Variants in SLC25A13 observed in about 807,000 individuals in gnomAD.
The protein encoded by SLC25A13 is electrogenic aspartate/glutamate antiporter SLC25A13, mitochondrial.
SLC25A13 carries 70 observed loss-of-function variants against 85.5 expected under a neutral mutation model. The observed-to-expected ratio is 0.82, with a 90% CI of 0.68 to 1.00. SLC25A13 has a LOEUF of 1.00. Among genes scored for constraint, SLC25A13 ranks in the 50% least tolerant of loss-of-function variants. The probability of loss-of-function intolerance (pLI) is 0.00; values close to 1 mark genes in which losing one functional copy is unlikely to be tolerated. For missense variants in SLC25A13, 765 were observed against 819.8 expected (o/e 0.93, Z 0.82); for synonymous variants, 259 against 288.7 (o/e 0.90, Z 1.04).
Position 96,322,063 on chromosome 7 carries a change from C to T in SLC25A13, c.-107G>A, listed in dbSNP as rs886062531. 2.1e-6 allele frequency: 3 copies of T among 1,438,360 alleles called. No individual in the cohort carries two copies. Among genetic ancestry groups the T allele is most frequent in the East Asian group, 2.7e-5 (1 of 37,116 alleles). The allele number at this position is 1,438,360 out of a possible 1,614,324, so 89.1% of individuals were successfully genotyped here. The stretch of plus-strand genomic sequence containing the variant: ...CCGGCGGCGGCGGCGGTGGGGGCGG[C>T]GATACGGCCAGGCAGCGTGCGTTCC... On this transcript the variant is annotated 5_prime_UTR_variant, in exon 1 of 18. Transcript: ENST00000265631.
chr7:96,201,370 G>A (rs1795248550), intron 5 of SLC25A13, among the ~76,000 whole-genome samples: 1 of 151,936 alleles, frequency 6.6e-6, no homozygotes, highest in Non-Finnish European at 1.5e-5. Context: ...AATTAGCTGG[G>A]CATGGGGTTG....
chr7:96,213,664 T>G (rs1795784306), intron 4 of SLC25A13, among the ~76,000 whole-genome samples: 1 of 152,182 alleles, frequency 6.6e-6, no homozygotes, highest in Non-Finnish European at 1.5e-5. Context: ...GAATAACTCG[T>G]AACTCAGTCG....
At chr7:96,294,270 G>C (rs1799252374) in intron 2 of SLC25A13, among the ~76,000 whole-genome samples, 1 of 151,564 alleles carries the variant, frequency 6.6e-6, no homozygotes, top group South Asian at 2.1e-4. Flanking sequence ...TCACACACTG[G>C]GGCCTGTTGT....
intron 13 of SLC25A13, among the ~76,000 whole-genome samples, chr7:96,158,389 T>C (rs1332576077): frequency 6.6e-6 from 1 of 152,218 alleles, no homozygotes; most frequent in African/African-American, 2.4e-5. Flanking sequence ...TATTTTTTAA[T>C]ATAGCGCAAT....
At chr7:96,276,538 G>C (rs1798456579) in intron 3 of SLC25A13, among the ~76,000 whole-genome samples, 1 of 152,104 alleles carries the variant, frequency 6.6e-6, no homozygotes, top group Non-Finnish European at 1.5e-5. Flanking sequence ...TGAGAGGATA[G>C]CTTGTACCTG....
chr7:96,229,605 A>G (rs895092213), intron 4 of SLC25A13, among the ~76,000 whole-genome samples: 1 of 152,052 alleles, frequency 6.6e-6, no homozygotes, highest in African/African-American at 2.4e-5. Flanking sequence ...AACACTCACC[A>G]TGAAGGTCTG....
chr7:96,271,191 T>C (rs1798225664), intron 3 of SLC25A13, among the ~76,000 whole-genome samples: 1 of 152,200 alleles, frequency 6.6e-6, no homozygotes, highest in Non-Finnish European at 1.5e-5. Context: ...GAATTCAAAA[T>C]ACAGCTTCTA....
chr7:96,134,814 A>ATATATATATATATATATATAT lies in SLC25A13; in HGVS notation c.1453-2934_1453-2933insATATATATATATATATATATA, dbSNP rs1554337570. Among the ~76,000 whole-genome samples, 43 of 64,424 alleles carry ATATATATATATATATATATAT rather than the reference A, an allele frequency of 6.7e-4. 3 individuals are homozygous for ATATATATATATATATATATAT. The highest frequency in any genetic ancestry group is 3.3e-3 in the African/African-American group (42 of 12,836). 42.3% of individuals were successfully genotyped at this position (64,424 alleles called of 152,430 possible). A position where few individuals can be genotyped will look rare whatever the true frequency, so the allele number is the denominator to read the frequency against. ...AATTTTATATATATATATATATATA[A>ATATATATATATATATATATAT]CCCTGAGGAAAGGGTAGAATTGCAA... On this transcript the variant is annotated intron_variant, in intron 14 of 17. Coordinates refer to ENST00000265631, the MANE Select transcript of SLC25A13 (RefSeq NM_014251.3).
At chr7:96,185,569 C>T (rs570609142) in intron 9 of SLC25A13, among the ~76,000 whole-genome samples, 2 of 151,520 alleles carry the variant, frequency 1.3e-5, no homozygotes, top group East Asian at 3.9e-4. Flanking sequence ...GCACTTCAGC[C>T]TCGGCAACAG....
At chr7:96,163,863 A>C (rs2116550947) in intron 13 of SLC25A13, among the ~76,000 whole-genome samples, 1 of 152,286 alleles carries the variant, frequency 6.6e-6, no homozygotes, top group South Asian at 2.1e-4. Flanking sequence ...CCAAAAAGCC[A>C]AACTAAAACA....
intron 3 of SLC25A13, among the ~76,000 whole-genome samples, chr7:96,252,521 A>T (rs1797472164): frequency 6.6e-6 from 1 of 152,200 alleles, no homozygotes; most frequent in Non-Finnish European, 1.5e-5. Context: ...GGCTGAAGAC[A>T]TAAAAGTAGA....
rs751240780 is a variant in SLC25A13 at position 96,277,344 on chromosome 7, TA to T, written c.70-7del. ...TTTTTCTCAATGCTTGCATACTGTT[TA>T]AAAAAAAGAAAAACAGTATTTTATA... On this transcript the variant is annotated splice_polypyrimidine_tract_variant and splice_region_variant and intron_variant, in intron 2 of 17. Coordinates refer to ENST00000265631, the MANE Select transcript of SLC25A13 (RefSeq NM_014251.3). 3 of 1,607,636 alleles carry T rather than the reference TA, an allele frequency of 1.9e-6. No homozygotes were observed. The highest frequency in any genetic ancestry group is 2.2e-5 in the East Asian group (1 of 44,642).
chr7:96,218,444 A>G (rs1795980506), intron 4 of SLC25A13, among the ~76,000 whole-genome samples: 1 of 152,150 alleles, frequency 6.6e-6, no homozygotes, highest in Admixed American at 6.5e-5. Flanking sequence ...GGTTAGACTG[A>G]ATTTGTTTTT....
intron 3 of SLC25A13, among the ~76,000 whole-genome samples, chr7:96,274,926 T>A (rs1798387747): frequency 6.6e-6 from 1 of 152,214 alleles, no homozygotes; most frequent in African/African-American, 2.4e-5. Flanking sequence ...GTAGTATAGT[T>A]TGAAGTCAGG....
chr7:96,145,588 A>G (rs1792749392), intron 14 of SLC25A13, among the ~76,000 whole-genome samples: 1 of 152,168 alleles, frequency 6.6e-6, no homozygotes, highest in Admixed American at 6.5e-5. Flanking sequence ...CTGTCTTAAT[A>G]TTATGTGTCT....
intron 11 of SLC25A13, among the ~76,000 whole-genome samples, chr7:96,181,811 G>C (rs140495928): frequency 6.6e-6 from 1 of 152,240 alleles, no homozygotes; most frequent in Non-Finnish European, 1.5e-5. Context: ...AATATTGCTA[G>C]GTGAAAGCAT....
intron 1 of SLC25A13, among the ~76,000 whole-genome samples, chr7:96,300,643 T>C (rs1478169036): frequency 1.3e-5 from 2 of 152,088 alleles, no homozygotes; most frequent in African/African-American, 2.4e-5. Context: ...TAAATAAACA[T>C]TGTGGCCATC....
At chr7:96,194,238 C>T (rs1281090786) in intron 5 of SLC25A13, among the ~76,000 whole-genome samples, 4 of 147,188 alleles carry the variant, frequency 2.7e-5, no homozygotes, top group Non-Finnish European at 6.0e-5. Context: ...AGTTCCAGGC[C>T]AGCCTGGGCC....
Position 96,208,878 on chromosome 7 carries a change from T to C in SLC25A13, c.428A>G (p.Lys143Arg). 1 of 1,614,140 alleles carries C rather than the reference T, an allele frequency of 6.2e-7. No individual in the cohort carries two copies. Reference protein sequence around the residue: ...FVQLHFGKERKRHLTYAEFTQ... With the variant: ...FVQLHFGKERRRHLTYAEFTQ... ...AAATTCCGCATATGTCAGGTGTCTT[T>C]TTCTTTCTTTTCCAAAATGTAGTTG... The change falls in exon 5 of 18, where the codon AAA becomes AGA. Residue 143 changes from lysine (K) to arginine (R), a missense_variant. Lys to Arg is a conservative substitution (Grantham distance 26, BLOSUM62 2). Transcript: ENST00000265631.
Sources: allele counts gnomAD v4.1 joint callset (sites outside exome capture counted in the v4.1 genomes callset), GRCh38; gene constraint gnomAD v4.1.1; transcripts MANE v1.5; gene names NCBI Gene and HGNC (gene_info 2026-07-23, HGNC 2026-07-21).